DPP8: variants seen among roughly 807,000 people sequenced by gnomAD.
DPP8 encodes the protein dipeptidyl peptidase 8, also known as DPP VIII.
DPP8 carries 31 observed loss-of-function variants against 107.5 expected under a neutral mutation model. The observed-to-expected ratio is 0.29, with a 90% confidence interval of 0.22 to 0.39. The LOEUF (loss-of-function observed/expected upper bound fraction) is 0.39. Among genes scored for constraint, DPP8 ranks in the 10% least tolerant of loss-of-function variants. The pLI is 1.00. For missense variants in DPP8, 842 were observed against 1,076.1 expected, an observed-to-expected ratio of 0.78 and a Z score of 3.04; for synonymous variants, 381 against 356.6, an observed-to-expected ratio of 1.07 and a Z score of -0.77.
chr15:65,454,223 A>G (rs2064215149), intron 17 of DPP8, 40 bp downstream of exon 17: 1 of 1,404,142 alleles, frequency 7.1e-7, no homozygotes, highest in African/African-American at 1.5e-5. Flanking sequence ...AGAAAAATCT[A>G]CCCTTATTGC....
chr15:65,491,384 CT>C (rs2068017411), intron 5 of DPP8, among the ~76,000 whole-genome samples: 1 of 152,004 alleles, frequency 6.6e-6, no homozygotes, highest in Non-Finnish European at 1.5e-5. Context: ...CTTAAATGTA[CT>C]GTTTATTTTT....
At chr15:65,504,067 T>TA (rs940653849) in intron 3 of DPP8, among the ~76,000 whole-genome samples, 2 of 151,492 alleles carry the variant, frequency 1.3e-5, no homozygotes, top group African/African-American at 4.8e-5. Flanking sequence ...TGGCCCTTTT[T>TA]AAAAAAAATT....
intron 4 of DPP8, among the ~76,000 whole-genome samples, chr15:65,499,687 C>T (rs909911412): frequency 6.6e-6 from 1 of 152,118 alleles, no homozygotes; most frequent in Non-Finnish European, 1.5e-5. Flanking sequence ...ACCTCAGCTT[C>T]CTGAGTAGCT....
At chr15:65,489,848 G>C (rs2067841914) in intron 6 of DPP8, among the ~76,000 whole-genome samples, 1 of 152,114 alleles carries the variant, frequency 6.6e-6, no homozygotes, top group African/African-American at 2.4e-5. Context: ...CTCCCGCGTA[G>C]CTGGGATTAC....
In DPP8 at chr15:65,500,787, G is replaced by C; in HGVS notation, c.373-8C>G. ...TCCATAGTCCAGTGTTGCCTAATGT[G>C]AAAGGAAAGTCACCTATTCCAGTCT... On this transcript the variant is annotated splice_polypyrimidine_tract_variant and splice_region_variant and intron_variant, in intron 3 of 19. Transcript: ENST00000300141. The C allele has an allele frequency of 6.3e-7, 1 of 1,585,060 alleles. No homozygotes were observed. Among genetic ancestry groups the C allele is most frequent in the Non-Finnish European group, 8.6e-7 (1 of 1,162,016 alleles).
chr15:65,507,306 G>C lies in DPP8; in HGVS notation c.309C>G (p.Pro103=). ...AGACTGCTGCTCTATTGATAGTTTT[G>C]GGAATTTCAGAATAAAACAGTGTAT... ...RENTLFYSEI[P]KTINRAAVLM... is the part of the protein sequence containing the mutation. Residue 103 remains proline (P), a synonymous_variant, in exon 3 of 20, where the codon CCC becomes CCG. Coordinates refer to ENST00000300141, the MANE Select transcript of DPP8 (RefSeq NM_130434.5). The C allele has an allele frequency of 6.2e-7, 1 of 1,612,572 alleles. No homozygotes were observed. The highest frequency in any genetic ancestry group is 1.3e-5 in the African/African-American group (1 of 74,938).
In DPP8 at chr15:65,466,664, G is replaced by T. The variant is rs1217774537; in HGVS notation, c.1825+14C>A. On this transcript the variant is annotated intron_variant, in intron 14 of 19. Coordinates refer to ENST00000300141, the MANE Select transcript of DPP8 (RefSeq NM_130434.5). ...ATCCTACTTAACGTCAGGATCAGGG[G>T]GAAAAAAGAATACCTGCTGAATCCA... The T allele has an allele frequency of 1.9e-6, 3 of 1,612,204 alleles. No individual in the cohort carries two copies. The highest frequency in any genetic ancestry group is 2.5e-6 in the Non-Finnish European group (3 of 1,178,734).
At chr15:65,492,329 G>A (rs180971971) in intron 5 of DPP8, among the ~76,000 whole-genome samples, 17 of 152,038 alleles carry the variant, frequency 1.1e-4, no homozygotes, top group Non-Finnish European at 2.1e-4. Context: ...GTGACAGAGT[G>A]AGACCATGTC....
chr15:65,480,861 CCGAGA>C (rs2066865509), intron 9 of DPP8, among the ~76,000 whole-genome samples: 1 of 152,118 alleles, frequency 6.6e-6, no homozygotes, highest in Non-Finnish European at 1.5e-5. Context: ...CGTTGGGAGG[CCGAGA>C]CAAGAGGATC....
chr15:65,452,490 A>G (rs1318202333), intron 17 of DPP8, among the ~76,000 whole-genome samples: 1 of 152,138 alleles, frequency 6.6e-6, no homozygotes, highest in Non-Finnish European at 1.5e-5. Flanking sequence ...ATAGAATTTA[A>G]AACAATAAAT....
intron 15 of DPP8, among the ~76,000 whole-genome samples, chr15:65,463,016 A>C (rs2140450788): frequency 6.6e-6 from 1 of 152,362 alleles, no homozygotes; most frequent in South Asian, 2.1e-4. Flanking sequence ...TAGCTGATAA[A>C]AATATTTTAA....
intron 19 of DPP8, among the ~76,000 whole-genome samples, chr15:65,448,865 A>AATATATATAT (rs58549410): frequency 1.5e-4 from 8 of 53,314 alleles, no homozygotes; most frequent in Non-Finnish European, 3.2e-4. Flanking sequence ...ATATATCTAA[A>AATATATATAT]ATATATATAT....
chr15:65,497,056 A>G (rs1020605707), intron 5 of DPP8, among the ~76,000 whole-genome samples: 1 of 151,914 alleles, frequency 6.6e-6, no homozygotes, highest in East Asian at 1.9e-4. Flanking sequence ...ATTCCGGCTA[A>G]TTTTTGTATT....
intron 8 of DPP8, 127 bp from the exon 9 acceptor site, chr15:65,481,742 C>T: frequency 1.8e-6 from 1 of 552,770 alleles, no homozygotes; most frequent in South Asian, 2.6e-5. Flanking sequence ...TAAAAAGGAA[C>T]AAAGGATATA....
At chr15:65,512,660 A>T in intron 1 of DPP8, 96 bp from the exon 2 acceptor site, 1 of 1,381,568 alleles carries the variant, frequency 7.2e-7, no homozygotes, top group Admixed American at 2.2e-5. Context: ...GGGAGTGGGG[A>T]GGGCAAGAAA....
intron 16 of DPP8, 80 bp downstream of exon 16, chr15:65,456,145 C>G (rs1288459693): frequency 6.7e-7 from 1 of 1,498,850 alleles, no homozygotes; most frequent in South Asian, 1.3e-5. Context: ...TCCCCCAACT[C>G]TCTTTCAAGG....
intron 19 of DPP8, 191 bp downstream of exon 19, chr15:65,450,808 G>A (rs1011810080): frequency 2.0e-6 from 1 of 493,590 alleles, no homozygotes; most frequent in Non-Finnish European, 3.6e-6. Context: ...AGGCAGGTAT[G>A]TCAGCCTGAC....
At position 65,443,373 on chromosome 15, in the gene DPP8, G is replaced by A. The variant is rs947644106; in HGVS notation, c.*3511C>T. ...ATCAGCTTAGATTAAATCAAATATT[G>A]ATTCCATCTTGAAAAATGCATGATT... On this transcript the variant is annotated 3_prime_UTR_variant, in exon 20 of 20. Coordinates refer to ENST00000300141, the MANE Select transcript of DPP8 (RefSeq NM_130434.5). 1.3e-5 allele frequency: 2 copies of A among 151,880 alleles called. No homozygotes were observed. The highest frequency in any genetic ancestry group is 4.8e-5 in the African/African-American group (2 of 41,322). The allele number at this position is 151,880 out of a possible 1,614,324, so 9.4% of individuals were successfully genotyped here. A position where few individuals can be genotyped will look rare whatever the true frequency, so the allele number is the denominator to read the frequency against.
intron 6 of DPP8, among the ~76,000 whole-genome samples, chr15:65,488,603 CAAA>C (rs1166493197): frequency 5.2e-3 from 234 of 45,252 alleles, no homozygotes; most frequent in Middle Eastern, 0.02. Context: ...GACCCTGCCT[CAAA>C]AAAAAAAAAA....
Sources: gnomAD v4.1 joint callset for allele counts (sites outside exome capture counted in the v4.1 genomes callset) on GRCh38, gnomAD v4.1.1 for gene constraint, MANE v1.5 for transcripts, NCBI Gene and HGNC (gene_info 2026-07-23, HGNC 2026-07-21) for gene names.